COLEC10: variants seen among roughly 807,000 people sequenced by gnomAD.
COLEC10 encodes collectin-10.
Under a neutral mutation model 28.4 loss-of-function variants are expected in COLEC10, and 22 were observed. The observed-to-expected ratio is 0.78, with a 90% CI of 0.55 to 1.11. The LOEUF (loss-of-function observed/expected upper bound fraction) is 1.11, where lower values mean the gene tolerates loss of function less well. Among genes scored for constraint, COLEC10 ranks in the 50% least tolerant of loss-of-function variants. The pLI, the probability that COLEC10 is intolerant of heterozygous loss-of-function variation, is 0.00. For synonymous variants in COLEC10, 125 were observed against 116.1 expected (o/e 1.08, Z -0.49); for missense variants, 361 against 344.1 (o/e 1.05, Z -0.39).
At chr8:118,967,101 C>T in the COLEC10 span, among the ~76,000 whole-genome samples, 1 of 152,040 alleles carries the variant, frequency 6.6e-6, no homozygotes, top group Non-Finnish European at 1.5e-5. Flanking sequence ...AATGGTTTTA[C>T]CCCAGGAATC....
chr8:119,053,464 C>T (rs1450844920), intron 2 of COLEC10, among the ~76,000 whole-genome samples: 3 of 152,040 alleles, frequency 2.0e-5, no homozygotes, highest in Non-Finnish European at 4.4e-5. Context: ...CACCTGGCTT[C>T]CACATTTCCT....
At chr8:118,960,474 C>T in the COLEC10 span, among the ~76,000 whole-genome samples, 1 of 152,130 alleles carries the variant, frequency 6.6e-6, no homozygotes, top group African/African-American at 2.4e-5. Flanking sequence ...CTCATTTTAC[C>T]TAGCTGGGTC....
At chr8:118,981,617 AG>A in the COLEC10 span, among the ~76,000 whole-genome samples, 7 of 152,226 alleles carry the variant, frequency 4.6e-5, no homozygotes, top group South Asian at 1.2e-3. Flanking sequence ...CTATTTCTTC[AG>A]GGGGCATTTC....
At chr8:119,040,115 C>G (rs1055077723) in intron 2 of COLEC10, among the ~76,000 whole-genome samples, 1 of 152,158 alleles carries the variant, frequency 6.6e-6, no homozygotes, top group African/African-American at 2.4e-5. Flanking sequence ...TCTTCTATCT[C>G]TAGCCCAATT....
intron 1 of COLEC10, among the ~76,000 whole-genome samples, chr8:119,087,037 A>G (rs1815493739): frequency 6.6e-6 from 1 of 152,224 alleles, no homozygotes; most frequent in Non-Finnish European, 1.5e-5. Flanking sequence ...AGCAAAGGAT[A>G]GTATCCATCT....
At chr8:118,985,095 T>A in the COLEC10 span, among the ~76,000 whole-genome samples, 1 of 151,978 alleles carries the variant, frequency 6.6e-6, no homozygotes, top group Non-Finnish European at 1.5e-5. Context: ...AGCCAAACCA[T>A]GTCAGGAGAA....
At chr8:119,078,990 TACACACACACACACACACACACACAC>T (rs59453751) in intron 1 of COLEC10, among the ~76,000 whole-genome samples, 15 of 143,098 alleles carry the variant, frequency 1.0e-4, no homozygotes, top group South Asian at 7.2e-4. Context: ...TGGGAAAACG[TACACACACACACACACACACACACAC>T]ACACACACAC....
chr8:118,993,922 C>G (rs988146806), upstream of COLEC10, among the ~76,000 whole-genome samples: 2 of 152,114 alleles, frequency 1.3e-5, no homozygotes, highest in Non-Finnish European at 2.9e-5. Context: ...CAGGTTCACT[C>G]CTGAATATTG....
the COLEC10 span, among the ~76,000 whole-genome samples, chr8:118,981,979 C>T: frequency 6.7e-6 from 1 of 150,150 alleles, no homozygotes; most frequent in Non-Finnish European, 1.5e-5. Flanking sequence ...TATGACTCTG[C>T]CATGGCATCA....
At chr8:119,024,024 G>T (rs1243564372) in intron 2 of COLEC10, among the ~76,000 whole-genome samples, 2 of 152,150 alleles carry the variant, frequency 1.3e-5, no homozygotes, top group Admixed American at 6.6e-5. Flanking sequence ...TGTAATAAGG[G>T]CTGGGAGGTA....
chr8:119,094,158 A>G (rs530961932), intron 3 of COLEC10, among the ~76,000 whole-genome samples: 3 of 152,162 alleles, frequency 2.0e-5, no homozygotes, highest in Non-Finnish European at 2.9e-5. Flanking sequence ...TCGGATCATC[A>G]TATCAATGAG....
the COLEC10 span, among the ~76,000 whole-genome samples, chr8:118,974,930 G>A: frequency 6.6e-6 from 1 of 152,022 alleles, no homozygotes; most frequent in African/African-American, 2.4e-5. Context: ...AGACATTTAT[G>A]TGGCATTGGC....
At chr8:119,059,593 C>T (rs1280209970) in intron 2 of COLEC10, among the ~76,000 whole-genome samples, 1 of 152,066 alleles carries the variant, frequency 6.6e-6, no homozygotes, top group Non-Finnish European at 1.5e-5. Context: ...CATATTGAGC[C>T]TATCTCTGTG....
intron 2 of COLEC10, among the ~76,000 whole-genome samples, chr8:119,031,860 C>T (rs1814294620): frequency 6.6e-6 from 1 of 151,966 alleles, no homozygotes; most frequent in Non-Finnish European, 1.5e-5. Flanking sequence ...CTTAATGTCA[C>T]ATCTTAAAGA....
chr8:119,022,961 A>C (rs1296608069), intron 2 of COLEC10, among the ~76,000 whole-genome samples: 1 of 151,956 alleles, frequency 6.6e-6, no homozygotes, highest in Non-Finnish European at 1.5e-5. Context: ...CCTCTTACTC[A>C]ACAAACACCT....
At chr8:119,050,693 A>G (rs917852337) in intron 2 of COLEC10, among the ~76,000 whole-genome samples, 3 of 152,236 alleles carry the variant, frequency 2.0e-5, no homozygotes, top group Non-Finnish European at 4.4e-5. Context: ...AAAGGCAGAT[A>G]AATCAATCCA....
intron 2 of COLEC10, among the ~76,000 whole-genome samples, chr8:119,049,677 G>A (rs1287943720): frequency 1.3e-5 from 2 of 152,062 alleles, no homozygotes; most frequent in Non-Finnish European, 2.9e-5. Flanking sequence ...GCCTCCCAAA[G>A]TGCTGGGATT....
chr8:119,080,841 A>G (rs371363588), intron 1 of COLEC10, among the ~76,000 whole-genome samples: 3 of 152,134 alleles, frequency 2.0e-5, no homozygotes, highest in Non-Finnish European at 4.4e-5. Context: ...ATGATGTCAT[A>G]CATACACAAA....
chr8:118,975,740 C>T, the COLEC10 span, among the ~76,000 whole-genome samples: 1 of 151,912 alleles, frequency 6.6e-6, no homozygotes, highest in African/African-American at 2.4e-5. Flanking sequence ...GAAGGAAGAA[C>T]TGAATGTCAA....
Sources: allele counts gnomAD v4.1 joint callset (sites outside exome capture counted in the v4.1 genomes callset), GRCh38; gene constraint gnomAD v4.1.1; transcripts MANE v1.5; gene names NCBI Gene and HGNC (gene_info 2026-07-23, HGNC 2026-07-21).